The following FAM222B variants were observed in gnomAD, a reference collection of about 807,000 sequenced individuals.
FAM222B encodes family with sequence similarity 222 member B.
In FAM222B, 12 loss-of-function variants were observed where a neutral mutation model predicts 38.0. That is an observed-to-expected ratio of 0.32 (90% CI 0.20 to 0.51). FAM222B has a LOEUF of 0.51. Among genes scored for constraint, FAM222B ranks in the 20% least tolerant of loss-of-function variants. The pLI, the probability that FAM222B is intolerant of heterozygous loss-of-function variation, is 0.97. For missense variants in FAM222B, 716 were observed against 754.2 expected, an observed-to-expected ratio of 0.95 and a Z score of 0.59; for synonymous variants, 329 against 317.2, an observed-to-expected ratio of 1.04 and a Z score of -0.40.
intron 1 of FAM222B, among the ~76,000 whole-genome samples, chr17:28,783,823 G>A (rs2036270732): frequency 6.7e-6 from 1 of 148,628 alleles, no homozygotes; most frequent in Non-Finnish European, 1.5e-5. Flanking sequence ...TTTTGAGGCT[G>A]AGTCTCACTC....
intron 1 of FAM222B, among the ~76,000 whole-genome samples, chr17:28,840,732 G>A (rs959572038): frequency 2.0e-5 from 3 of 152,042 alleles, no homozygotes; most frequent in South Asian, 4.1e-4. Context: ...TGGGGCGGGC[G>A]GATCACCTGA....
At chr17:28,819,717 G>A (rs1033652815) in intron 1 of FAM222B, among the ~76,000 whole-genome samples, 2 of 152,102 alleles carry the variant, frequency 1.3e-5, no homozygotes, top group East Asian at 1.9e-4. Context: ...TAAAACAGTT[G>A]AAGCCAATCC....
At chr17:28,770,326 T>C (rs1209947389) in intron 1 of FAM222B, among the ~76,000 whole-genome samples, 4 of 152,242 alleles carry the variant, frequency 2.6e-5, no homozygotes, top group Non-Finnish European at 5.9e-5. Context: ...CATATGTCAA[T>C]CTATTAATGA....
At chr17:28,770,947 T>TAC (rs2035599418) in intron 1 of FAM222B, among the ~76,000 whole-genome samples, 1 of 151,912 alleles carries the variant, frequency 6.6e-6, no homozygotes, top group African/African-American at 2.4e-5. Context: ...CAATTATATA[T>TAC]ATATATGTGT....
chr17:28,836,956 A>G (rs763750721), intron 1 of FAM222B, among the ~76,000 whole-genome samples: 1 of 152,056 alleles, frequency 6.6e-6, no homozygotes, highest in Non-Finnish European at 1.5e-5. Context: ...CATCTCTACT[A>G]AAAGTACAAA....
intron 1 of FAM222B, among the ~76,000 whole-genome samples, chr17:28,778,399 G>C (rs1415425713): frequency 6.6e-6 from 1 of 151,612 alleles, no homozygotes; most frequent in Admixed American, 6.6e-5. Context: ...TTCCTGCTTC[G>C]TTCATGTCCC....
Position 28,822,870 on chromosome 17 carries a change from C to CAT in FAM222B, c.-41+19810_-41+19811dup, listed in dbSNP as rs147867693. 2.7e-4 allele frequency among the ~76,000 whole-genome samples: 24 copies of CAT among 88,150 alleles called. 1 individual carries two copies. Among genetic ancestry groups the CAT allele is most frequent in the African/African-American group, 6.3e-4 (14 of 22,166 alleles). 57.8% of individuals were successfully genotyped at this position (88,150 alleles called of 152,430 possible). ...ATATATATATATATATATATACACA[C>CAT]ATATATATATATACACACACACATA... On this transcript the variant is annotated intron_variant, in intron 1 of 2. Coordinates refer to ENST00000581407, the MANE Select transcript of FAM222B (RefSeq NM_001077498.3).
At chr17:28,795,153 A>G (rs2036880136) in intron 1 of FAM222B, among the ~76,000 whole-genome samples, 1 of 151,264 alleles carries the variant, frequency 6.6e-6, no homozygotes, top group Non-Finnish European at 1.5e-5. Context: ...TCAGTGTCCT[A>G]TTGATTTCCT....
At chr17:28,853,053 C>T (rs1319019575) in intron 1 of FAM222B, among the ~76,000 whole-genome samples, 2 of 151,894 alleles carry the variant, frequency 1.3e-5, no homozygotes, top group Non-Finnish European at 2.9e-5. Flanking sequence ...ATTAGCCGGG[C>T]ATGGTGGTGT....
intron 1 of FAM222B, among the ~76,000 whole-genome samples, chr17:28,805,305 C>A (rs1413282695): frequency 6.6e-6 from 1 of 152,162 alleles, no homozygotes; most frequent in African/African-American, 2.4e-5. Flanking sequence ...GAGGCCATGG[C>A]AGGCAGATCA....
intron 1 of FAM222B, chr17:28,834,867 T>C (rs1378722629): frequency 1.3e-5 from 2 of 151,782 alleles, no homozygotes; most frequent in Non-Finnish European, 2.9e-5. Context: ...TTTTTTTTTT[T>C]TCCCTGAGAT....
intron 1 of FAM222B, among the ~76,000 whole-genome samples, chr17:28,833,369 T>C (rs1353755191): frequency 6.6e-6 from 1 of 150,676 alleles, no homozygotes; most frequent in Admixed American, 6.6e-5. Context: ...GTTATCCCAG[T>C]ATTTTGGGAG....
chr17:28,768,634 C>T (rs978361562), intron 1 of FAM222B, among the ~76,000 whole-genome samples: 3 of 151,700 alleles, frequency 2.0e-5, no homozygotes, highest in Admixed American at 6.6e-5. Context: ...GTCAGGAGTT[C>T]GAGAACAGCG....
At chr17:28,801,877 A>C (rs1399236301) in intron 1 of FAM222B, among the ~76,000 whole-genome samples, 1 of 152,098 alleles carries the variant, frequency 6.6e-6, no homozygotes, top group Non-Finnish European at 1.5e-5. Context: ...TTAAGTTATG[A>C]CTAATAATGC....
Position 28,798,892 on chromosome 17 carries a change from C to G in FAM222B, c.-40-32185G>C, listed in dbSNP as rs540366366. Among the ~76,000 whole-genome samples, 5 of 152,158 alleles carry G rather than the reference C, an allele frequency of 3.3e-5. No homozygotes were observed. In the East Asian group the frequency reaches 9.7e-4, roughly 29 times the overall value. ...TCGGCCTCCCAAAGTGCTGGGATTA[C>G]AGGCGTGAGCCACCACACCAGGCCA... is the stretch of plus-strand genomic sequence containing the variant. On this transcript the variant is annotated intron_variant, in intron 1 of 2. Coordinates refer to ENST00000581407, the MANE Select transcript of FAM222B (RefSeq NM_001077498.3).
chr17:28,819,139 A>C (rs550835306), intron 1 of FAM222B, among the ~76,000 whole-genome samples: 2 of 152,366 alleles, frequency 1.3e-5, no homozygotes, highest in East Asian at 1.9e-4. Context: ...GAGACAAAAG[A>C]AGCTTACCAT....
chr17:28,802,116 T>G (rs577400625), intron 1 of FAM222B, among the ~76,000 whole-genome samples: 7 of 149,648 alleles, frequency 4.7e-5, no homozygotes, highest in African/African-American at 1.7e-4. Context: ...TGAGAAAGAG[T>G]CTTACTCTGT....
intron 1 of FAM222B, chr17:28,834,674 A>G (rs2038777111): frequency 6.6e-6 from 1 of 152,052 alleles, no homozygotes; most frequent in African/African-American, 2.4e-5. Flanking sequence ...TACAGCACTT[A>G]TTGTACTGAC....
intron 1 of FAM222B, among the ~76,000 whole-genome samples, chr17:28,787,668 G>C (rs1422185379): frequency 6.6e-6 from 1 of 152,134 alleles, no homozygotes; most frequent in Non-Finnish European, 1.5e-5. Context: ...GCAATGCTGG[G>C]TCAATCTACA....
Sources: gnomAD v4.1 joint callset for allele counts (sites outside exome capture counted in the v4.1 genomes callset) on GRCh38, gnomAD v4.1.1 for gene constraint, MANE v1.5 for transcripts, NCBI Gene and HGNC (gene_info 2026-07-23, HGNC 2026-07-21) for gene names.